KPNA7: variants seen among roughly 807,000 people sequenced by gnomAD.
KPNA7 encodes the protein karyopherin subunit alpha 7.
In KPNA7, 54 loss-of-function variants were observed where a neutral mutation model predicts 53.7. That is an observed-to-expected ratio of 1.01 (90% CI 0.81 to 1.26). KPNA7 has a LOEUF of 1.26. Ranked by LOEUF, KPNA7 falls within the 50% of genes most tolerant of loss-of-function variation. KPNA7 has a pLI of 0.00. For missense variants in KPNA7, 640 were observed against 644.5 expected, an observed-to-expected ratio of 0.99 and a Z score of 0.07; for synonymous variants, 276 against 259.3, an observed-to-expected ratio of 1.06 and a Z score of -0.62.
chr7:99,196,050 G>A, intron 4 of KPNA7, 34 bp downstream of exon 4: 1 of 1,527,378 alleles, frequency 6.5e-7, no homozygotes, highest in Admixed American at 2.0e-5. Context: ...TGCTAACTAT[G>A]AACCTGCAAC....
At chr7:99,160,017 G>GTTTT in the KPNA7 span, among the ~76,000 whole-genome samples, 215 of 67,600 alleles carry the variant, frequency 3.2e-3, 14 homozygotes, top group East Asian at 7.6e-3. Context: ...TGTTGTTTTT[G>GTTTT]TTTTTTTTTT....
chr7:99,197,681 T>C (rs1474833628), intron 3 of KPNA7, among the ~76,000 whole-genome samples: 1 of 152,286 alleles, frequency 6.6e-6, no homozygotes, highest in African/African-American at 2.4e-5. Flanking sequence ...ATACAATAAC[T>C]GAAACAAAAA....
chr7:99,193,613 C>T (rs1307723470), intron 5 of KPNA7, among the ~76,000 whole-genome samples: 1 of 152,106 alleles, frequency 6.6e-6, no homozygotes, highest in African/African-American at 2.4e-5. Context: ...CTTTACTGCA[C>T]CAAGCAAAAT....
intron 9 of KPNA7, among the ~76,000 whole-genome samples, chr7:99,180,590 C>T (rs894258460): frequency 1.1e-4 from 13 of 116,834 alleles, no homozygotes; most frequent in African/African-American, 2.2e-4. Context: ...TCCATCTCTC[C>T]GTCTCTCCGT....
At chr7:99,195,034 C>A in intron 5 of KPNA7, 36 bp downstream of exon 5, 1 of 1,545,216 alleles carries the variant, frequency 6.5e-7, no homozygotes, top group Non-Finnish European at 8.8e-7. Context: ...ACACACCTGG[C>A]CCCGTTTTCT....
chr7:99,158,404 T>G, the KPNA7 span, among the ~76,000 whole-genome samples: 1 of 152,136 alleles, frequency 6.6e-6, no homozygotes, highest in Admixed American at 6.6e-5. Context: ...GTTCTGGACT[T>G]TATATAATTT....
Position 99,194,852 on chromosome 7 carries a change from G to A in KPNA7, c.553+218C>T, listed in dbSNP as rs933992832. On this transcript the variant is annotated intron_variant, in intron 5 of 10. Coordinates refer to ENST00000327442, the MANE Select transcript of KPNA7 (RefSeq NM_001145715.3). ...ACTCCTGACCTCAAGTGATCCGTCC[G>A]CCTTGGCCTCCCAACATGCTGGGAT... Among the ~76,000 whole-genome samples the A allele has an allele frequency of 4.6e-5, 7 of 152,036 alleles. No homozygotes were observed. The East Asian group carries it at 5.8e-4, about 13-fold the overall frequency.
the KPNA7 span, among the ~76,000 whole-genome samples, chr7:99,146,951 G>A: frequency 2.6e-5 from 4 of 152,102 alleles, no homozygotes; most frequent in African/African-American, 7.2e-5. Flanking sequence ...AATGTGTGTC[G>A]CTTTCCTACC....
At chr7:99,209,625 G>A (rs574880511), upstream of KPNA7, among the ~76,000 whole-genome samples, 13 of 136,054 alleles carry the variant, frequency 9.6e-5, no homozygotes, top group African/African-American at 2.7e-4. Context: ...GGAGGTTGCC[G>A]TGAGCCAAGA....
At chr7:99,187,359 C>A (rs1007720895) in intron 7 of KPNA7, among the ~76,000 whole-genome samples, 1 of 151,872 alleles carries the variant, frequency 6.6e-6, no homozygotes, top group Non-Finnish European at 1.5e-5. Flanking sequence ...TATATCTGAG[C>A]TAGTCTAAGA....
Position 99,182,002 on chromosome 7 carries a change from T to C in KPNA7, c.1198A>G (p.Met400Val), listed in dbSNP as rs562883044. The C allele has an allele frequency of 4.3e-5, 66 of 1,550,182 alleles. No individual in the cohort carries two copies. In the South Asian group the frequency reaches 6.8e-4, roughly 16 times the overall value. The change falls in exon 9 of 11, where the codon ATG becomes GTG. Residue 400 changes from methionine (M) to valine (V), a missense_variant. Met to Val is a conservative substitution (Grantham distance 21). Transcript: ENST00000327442. ...TGGACGAGCTGGATCAGCTGATCCA[T>C]GGTGGCCCCTGTTGCAAAGTTCGCC... ...MVANFATGAT[M>V]DQLIQLVHSG...
chr7:99,219,190 G>A (rs2150792969), intron 1 of KPNA7, among the ~76,000 whole-genome samples: 1 of 152,344 alleles, frequency 6.6e-6, no homozygotes, highest in East Asian at 1.9e-4. Context: ...TCTCCCAGGT[G>A]AGTCTCATGT....
chr7:99,191,094 T>C (rs1297878313), intron 6 of KPNA7, among the ~76,000 whole-genome samples: 1 of 151,920 alleles, frequency 6.6e-6, no homozygotes, highest in Non-Finnish European at 1.5e-5. Flanking sequence ...TCTTGCTGTC[T>C]CCCTTTCACG....
At chr7:99,199,036 A>G (rs1358326415) in intron 3 of KPNA7, among the ~76,000 whole-genome samples, 2 of 149,472 alleles carry the variant, frequency 1.3e-5, no homozygotes, top group Non-Finnish European at 3.0e-5. Context: ...ATTTATTGAA[A>G]GAAATCCAAG....
chr7:99,171,092 C>T (rs1012140182), downstream of KPNA7, among the ~76,000 whole-genome samples: 10 of 152,222 alleles, frequency 6.6e-5, no homozygotes, highest in South Asian at 1.0e-3. Flanking sequence ...TGTTCGCGGG[C>T]GCCCGTGATC....
At position 99,181,991 on chromosome 7, in the gene KPNA7, C is replaced by A; in HGVS notation, c.1209G>T (p.Leu403=). The A allele has an allele frequency of 2.6e-6, 4 of 1,551,128 alleles. No individual in the cohort carries two copies. The highest frequency in any genetic ancestry group is 3.5e-6 in the Non-Finnish European group (4 of 1,146,548). Residue 403 remains leucine (L), a synonymous_variant, in exon 9 of 11, where the codon CTG becomes CTT. Transcript: ENST00000327442. ...GGACCCCAGAGTGGACGAGCTGGAT[C>A]AGCTGATCCATGGTGGCCCCTGTTG... is the stretch of plus-strand genomic sequence containing the variant. ...NFATGATMDQ[L]IQLVHSGVLE...
upstream of KPNA7, among the ~76,000 whole-genome samples, chr7:99,212,444 G>A (rs929398203): frequency 6.6e-6 from 1 of 151,476 alleles, no homozygotes; most frequent in African/African-American, 2.4e-5. Context: ...TGGTAGAGAT[G>A]GGGTTTCATC....
the KPNA7 span, among the ~76,000 whole-genome samples, chr7:99,163,636 C>T: frequency 6.6e-6 from 1 of 151,592 alleles, no homozygotes; most frequent in African/African-American, 2.4e-5. Flanking sequence ...ATTCTCCCAC[C>T]TCAGCCTCCC....
chr7:99,154,369 TC>T, the KPNA7 span, among the ~76,000 whole-genome samples: 80 of 152,224 alleles, frequency 5.3e-4, no homozygotes, highest in Non-Finnish European at 9.7e-4. Context: ...CCTCAAGCAA[TC>T]CGCCCACCTT....
Sources: allele counts gnomAD v4.1 joint callset (sites outside exome capture counted in the v4.1 genomes callset), GRCh38; gene constraint gnomAD v4.1.1; transcripts MANE v1.5; gene names NCBI Gene and HGNC (gene_info 2026-07-23, HGNC 2026-07-21).